The following ITPR2 variants were observed in gnomAD, a reference collection of about 807,000 sequenced individuals.
ITPR2 encodes the protein inositol 1,4,5-trisphosphate receptor type 2.
Under a neutral mutation model 317.1 loss-of-function variants are expected in ITPR2, and 207 were observed. The ratio of observed to expected loss-of-function variants is 0.65; its 90% CI spans 0.58 to 0.73. The LOEUF is 0.73. ITPR2 is among the 30% of genes least tolerant of loss of function. The pLI, the probability that ITPR2 is intolerant of heterozygous loss-of-function variation, is 0.00. For synonymous variants in ITPR2, 1,156 were observed against 1,149.1 expected, an observed-to-expected ratio of 1.01 and a Z score of -0.12; for missense variants, 2,613 against 3,284.0, an observed-to-expected ratio of 0.80 and a Z score of 4.99.
chr12:26,573,176 C>T (rs987940383), intron 34 of ITPR2, among the ~76,000 whole-genome samples: 8 of 152,128 alleles, frequency 5.3e-5, no homozygotes, highest in South Asian at 2.1e-4. Flanking sequence ...GTATGCACCA[C>T]CATGCCCAGC....
intron 54 of ITPR2, among the ~76,000 whole-genome samples, chr12:26,391,101 G>A (rs1267756010): frequency 6.6e-6 from 1 of 152,196 alleles, no homozygotes; most frequent in Non-Finnish European, 1.5e-5. Context: ...ATTATGGTAA[G>A]TGGAGAAGAA....
intron 37 of ITPR2, among the ~76,000 whole-genome samples, chr12:26,527,020 A>G (rs963182410): frequency 6.6e-6 from 1 of 152,334 alleles, no homozygotes; most frequent in African/African-American, 2.4e-5. Flanking sequence ...CTAGTACCAA[A>G]CAGCCCCTAA....
At chr12:26,373,266 GA>G (rs1939240418) in intron 55 of ITPR2, among the ~76,000 whole-genome samples, 1 of 152,198 alleles carries the variant, frequency 6.6e-6, no homozygotes, top group African/African-American at 2.4e-5. Context: ...GGACAGAAGA[GA>G]TAATGGAAGT....
intron 45 of ITPR2, among the ~76,000 whole-genome samples, chr12:26,473,238 T>C (rs953921917): frequency 6.6e-6 from 1 of 152,208 alleles, no homozygotes; most frequent in African/African-American, 2.4e-5. Context: ...TTACCTAACA[T>C]AAGTCTTTTC....
intron 35 of ITPR2, 76 bp from the exon 36 acceptor site, chr12:26,556,451 A>G: frequency 7.1e-7 from 1 of 1,417,304 alleles, no homozygotes; most frequent in Non-Finnish European, 9.6e-7. Context: ...GACAAGCTCA[A>G]GAATACTAAT....
At chr12:26,774,077 C>T (rs11048680) in intron 2 of ITPR2, among the ~76,000 whole-genome samples, 3,718 of 143,948 alleles carry the variant, frequency 0.026, 164 homozygotes, top group African/African-American at 0.089. Flanking sequence ...TGAGTAGCAG[C>T]GAATTACAAA....
At chr12:26,741,064 C>T (rs1253928949) in intron 2 of ITPR2, among the ~76,000 whole-genome samples, 1 of 152,246 alleles carries the variant, frequency 6.6e-6, no homozygotes, top group Non-Finnish European at 1.5e-5. Flanking sequence ...CACACCTGCT[C>T]TTTTCCGAGG....
intron 1 of ITPR2, among the ~76,000 whole-genome samples, chr12:26,829,358 G>T (rs1951062531): frequency 6.6e-6 from 1 of 151,486 alleles, no homozygotes. Flanking sequence ...TTAGACAGGG[G>T]CTCTCTCTGT....
chr12:26,796,642 G>T (rs1408468963), intron 1 of ITPR2, among the ~76,000 whole-genome samples: 3 of 152,064 alleles, frequency 2.0e-5, no homozygotes, highest in African/African-American at 7.2e-5. Context: ...TGCATCTGAA[G>T]ACATGTACGA....
At position 26,506,520 on chromosome 12, in the gene ITPR2, C is replaced by CA. The variant is rs11362827; in HGVS notation, c.5074-11261dup. Among the ~76,000 whole-genome samples, 469 of 87,200 alleles carry CA rather than the reference C, an allele frequency of 5.4e-3. 3 individuals are homozygous for CA. Among genetic ancestry groups the CA allele is most frequent in the Middle Eastern group, 0.018 (3 of 164 alleles). The allele number at this position is 87,200 out of a possible 152,430, so 57.2% of individuals were successfully genotyped here. A position where few individuals can be genotyped will look rare whatever the true frequency, so the allele number is the denominator to read the frequency against. ...CAGCCTGGGAGTAGGAATCCTGTCT[C>CA]AAAAAAAAAAAAAAAAAAAAAAAAT... On this transcript the variant is annotated intron_variant, in intron 37 of 56. Transcript: ENST00000381340.
Position 26,654,146 on chromosome 12 carries a change from C to T in ITPR2, c.2590-20G>A, listed in dbSNP as rs201784481. 3.2e-4 allele frequency: 436 copies of T among 1,359,918 alleles called. No individual in the cohort carries two copies. In the East Asian group the frequency reaches 9.5e-3, roughly 30 times the overall value. The allele number at this position is 1,359,918 out of a possible 1,614,324, so 84.2% of individuals were successfully genotyped here. A position where few individuals can be genotyped will look rare whatever the true frequency, so the allele number is the denominator to read the frequency against. On this transcript the variant is annotated intron_variant, in intron 20 of 56. Coordinates refer to ENST00000381340, the MANE Select transcript of ITPR2 (RefSeq NM_002223.4). Reference sequence around the variant, plus strand: ...GACCACCTTAATAAAAAAAAAAAAGCGGGGAGGGGGAGGGTGAAAGAGTGG... The same window carrying T: ...GACCACCTTAATAAAAAAAAAAAAGTGGGGAGGGGGAGGGTGAAAGAGTGG...
intron 2 of ITPR2, among the ~76,000 whole-genome samples, chr12:26,746,494 G>A (rs555243611): frequency 9.2e-5 from 14 of 152,172 alleles, no homozygotes; most frequent in African/African-American, 3.4e-4. Context: ...GGTCCTAACT[G>A]AGTGTGTCCT....
At chr12:26,367,481 GAA>G (rs10572447) in intron 55 of ITPR2, among the ~76,000 whole-genome samples, 29,381 of 151,708 alleles carry the variant, frequency 0.19, 2,950 homozygotes, top group Middle Eastern at 0.23. Flanking sequence ...AATCACTGAG[GAA>G]AAAAAAACCA....
chr12:26,477,843 T>C (rs1282458695), intron 43 of ITPR2, among the ~76,000 whole-genome samples: 4 of 152,290 alleles, frequency 2.6e-5, no homozygotes, highest in Admixed American at 1.3e-4. Flanking sequence ...GCTGTGTTTT[T>C]AACAGTGCTG....
chr12:26,504,952 T>C (rs1156674607), intron 37 of ITPR2, among the ~76,000 whole-genome samples: 2 of 151,940 alleles, frequency 1.3e-5, no homozygotes, highest in Non-Finnish European at 2.9e-5. Flanking sequence ...AATAGAATGA[T>C]GACAGGGAAA....
intron 9 of ITPR2, among the ~76,000 whole-genome samples, chr12:26,698,252 G>C (rs1257821569): frequency 6.6e-6 from 1 of 152,180 alleles, no homozygotes; most frequent in African/African-American, 2.4e-5. Flanking sequence ...AGGGGAAAAG[G>C]CAGAGAAAAC....
At chr12:26,560,936 G>A (rs559492658) in intron 35 of ITPR2, among the ~76,000 whole-genome samples, 19 of 152,258 alleles carry the variant, frequency 1.2e-4, no homozygotes, top group Admixed American at 1.1e-3. Flanking sequence ...TTATGTGAAT[G>A]GGAAGATGTC....
chr12:26,506,377 C>T (rs1943184153), intron 37 of ITPR2, among the ~76,000 whole-genome samples: 1 of 151,542 alleles, frequency 6.6e-6, no homozygotes, highest in Non-Finnish European at 1.5e-5. Flanking sequence ...GGTGTGGTGA[C>T]ATACGCCTGT....
At chr12:26,713,143 A>G (rs1948678973) in intron 8 of ITPR2, among the ~76,000 whole-genome samples, 1 of 152,240 alleles carries the variant, frequency 6.6e-6, no homozygotes, top group African/African-American at 2.4e-5. Flanking sequence ...ACCCCTCAGC[A>G]TGTGAGCAGA....
Sources: allele counts gnomAD v4.1 joint callset (sites outside exome capture counted in the v4.1 genomes callset), GRCh38; gene constraint gnomAD v4.1.1; transcripts MANE v1.5; gene names NCBI Gene and HGNC (gene_info 2026-07-23, HGNC 2026-07-21).